GMPS: variants seen among roughly 807,000 people sequenced by gnomAD.
The protein encoded by GMPS is GMP synthase [glutamine-hydrolyzing].
GMPS carries 15 observed loss-of-function variants against 77.9 expected under a neutral mutation model. The ratio of observed to expected loss-of-function variants is 0.19; its 90% CI spans 0.13 to 0.30. The LOEUF (loss-of-function observed/expected upper bound fraction) is 0.30, where lower values mean the gene tolerates loss of function less well. Ranked by LOEUF, GMPS falls within the 10% of genes least tolerant of loss-of-function variation. GMPS has a pLI of 1.00. For synonymous variants in GMPS, 224 were observed against 275.9 expected (o/e 0.81, Z 1.86); for missense variants, 590 against 838.8 (o/e 0.70, Z 3.66).
intron 3 of GMPS, among the ~76,000 whole-genome samples, chr3:155,901,266 A>G (rs1001841726): frequency 6.6e-6 from 1 of 152,022 alleles, no homozygotes; most frequent in Non-Finnish European, 1.5e-5. Flanking sequence ...ATTGACCTAT[A>G]TATAAGTGAA....
intron 7 of GMPS, among the ~76,000 whole-genome samples, chr3:155,913,810 C>T (rs768056911): frequency 1.2e-4 from 18 of 151,838 alleles, no homozygotes; most frequent in Non-Finnish European, 2.4e-4. Context: ...TGTGAGCCAC[C>T]GTGCCGGCCC....
At chr3:155,919,409 A>G (rs1553787408) in intron 10 of GMPS, 71 bp downstream of exon 10, 2 of 710,408 alleles carry the variant, frequency 2.8e-6, no homozygotes, top group South Asian at 3.3e-5. Flanking sequence ...CAATTCAGAC[A>G]ATTCTGAAAT....
rs1378842002 is a variant in GMPS at position 155,939,063 on chromosome 3, TTTTA to T, written c.*1374_*1377del. On this transcript the variant is annotated 3_prime_UTR_variant, in exon 16 of 16. Transcript: ENST00000496455. ...AAATGATGCGTGGCAGAAGTCATCT[TTTTA>T]TTCTGGCTGGTCCAGGGAACAAGAA... The T allele has an allele frequency of 4.6e-6, 1 of 218,470 alleles. No homozygotes were observed. The highest frequency in any genetic ancestry group is 2.2e-5 in the African/African-American group (1 of 44,534). 13.5% of individuals were successfully genotyped at this position (218,470 alleles called of 1,614,324 possible).
At chr3:155,886,956 A>C (rs1754353884) in intron 1 of GMPS, among the ~76,000 whole-genome samples, 1 of 152,218 alleles carries the variant, frequency 6.6e-6, no homozygotes, top group African/African-American at 2.4e-5. Flanking sequence ...AATATGAATT[A>C]ACATAATATT....
intron 1 of GMPS, among the ~76,000 whole-genome samples, chr3:155,885,143 G>C (rs966584558): frequency 6.6e-6 from 1 of 152,162 alleles, no homozygotes; most frequent in African/African-American, 2.4e-5. Flanking sequence ...ATCTCATTAG[G>C]GAAAAGAGTT....
At chr3:155,895,676 A>G (rs1484866405) in intron 2 of GMPS, 1 of 152,172 alleles carries the variant, frequency 6.6e-6, no homozygotes, top group East Asian at 1.9e-4. Flanking sequence ...ATTACGGCTT[A>G]TTGGGCCTTG....
At chr3:155,884,671 A>C (rs868522059) in intron 1 of GMPS, among the ~76,000 whole-genome samples, 3 of 152,230 alleles carry the variant, frequency 2.0e-5, no homozygotes, top group Middle Eastern at 6.8e-3. Context: ...ATAATAGAGA[A>C]TTGTTCTATT....
At chr3:155,935,755 T>TG (rs1755751028) in intron 14 of GMPS, among the ~76,000 whole-genome samples, 1 of 152,196 alleles carries the variant, frequency 6.6e-6, no homozygotes, top group African/African-American at 2.4e-5. Context: ...ACTATAGTGT[T>TG]GAAGTGCTGT....
rs1755919444 is a variant in GMPS, at chr3:155,942,604, G to C, written c.*4912G>C. ...TGCACCTATATTATGTTGTGTGTCA[G>C]ACACTCCCAGGACCTGTTTGGTAAT... On this transcript the variant is annotated 3_prime_UTR_variant, in exon 16 of 16. Coordinates refer to ENST00000496455, the MANE Select transcript of GMPS (RefSeq NM_003875.3). 8.7e-6 allele frequency: 2 copies of C among 228,928 alleles called. No individual in the cohort carries two copies. The highest frequency in any genetic ancestry group is 1.7e-5 in the Non-Finnish European group (2 of 115,422). 14.2% of individuals were successfully genotyped at this position (228,928 alleles called of 1,614,324 possible).
intron 1 of GMPS, among the ~76,000 whole-genome samples, chr3:155,883,132 C>T (rs1754249229): frequency 6.6e-6 from 1 of 152,068 alleles, no homozygotes; most frequent in Non-Finnish European, 1.5e-5. Flanking sequence ...AGTGCAGTGG[C>T]ACTATCTCAG....
At chr3:155,901,613 T>G (rs971186858) in intron 3 of GMPS, among the ~76,000 whole-genome samples, 2 of 152,130 alleles carry the variant, frequency 1.3e-5, no homozygotes, top group Non-Finnish European at 2.9e-5. Context: ...ATATAAAAAA[T>G]CTTCTGCTCT....
At chr3:155,870,477 G>A (rs1020171694), upstream of GMPS, 4 of 200,770 alleles carry the variant, frequency 2.0e-5, no homozygotes, top group East Asian at 8.3e-5. Flanking sequence ...AGACCCGGCC[G>A]GCTTTGCCGG....
At chr3:155,929,223 G>A (rs1755537909) in intron 12 of GMPS, among the ~76,000 whole-genome samples, 1 of 150,698 alleles carries the variant, frequency 6.6e-6, no homozygotes, top group Non-Finnish European at 1.5e-5. Context: ...TTTAATGATT[G>A]CCATTCTAAC....
chr3:155,886,259 A>G (rs1181981495), intron 1 of GMPS, among the ~76,000 whole-genome samples: 1 of 151,880 alleles, frequency 6.6e-6, no homozygotes, highest in East Asian at 1.9e-4. Context: ...GAGAAATGGC[A>G]AACTTGGTGA....
chr3:155,913,509 A>G (rs1057219003), intron 7 of GMPS, among the ~76,000 whole-genome samples: 1 of 144,134 alleles, frequency 6.9e-6, no homozygotes, highest in African/African-American at 2.5e-5. Flanking sequence ...AGAGAGGGAA[A>G]ACAATCAGCA....
Position 155,916,990 on chromosome 3 carries a change from T to TA in GMPS, c.1212+798_1212+799insA, listed in dbSNP as rs577759255. 8.3e-4 allele frequency among the ~76,000 whole-genome samples: 127 copies of TA among 152,162 alleles called. 2 individuals are homozygous for TA. In the East Asian group the frequency reaches 0.017, roughly 20 times the overall value. ...ATCTTAACTCTGATTTTTTTTTTTT[T>TA]TTGAGACAGAGTCTCACTCTATTGC... On this transcript the variant is annotated intron_variant, in intron 9 of 15. Transcript: ENST00000496455.
chr3:155,881,918 T>G (rs1297310990), intron 1 of GMPS, among the ~76,000 whole-genome samples: 1 of 151,874 alleles, frequency 6.6e-6, no homozygotes, highest in Non-Finnish European at 1.5e-5. Context: ...TACAGAACAT[T>G]AGCCAGGCAT....
At position 155,923,569 on chromosome 3, in the gene GMPS, T is replaced by C. The variant is rs1373763993; in HGVS notation, c.1434+1267T>C. ...CAATTACCTACCCAGGAAATTATAC[T>C]GAAACAGTAAAGGCAAGACTTCAAA... is the stretch of plus-strand genomic sequence containing the variant. On this transcript the variant is annotated intron_variant, in intron 11 of 15. Transcript: ENST00000496455. 2.0e-5 allele frequency among the ~76,000 whole-genome samples: 3 copies of C among 152,150 alleles called. 1 individual carries two copies. In the Middle Eastern group the frequency reaches 9.5e-3, roughly 481 times the overall value.
intron 1 of GMPS, among the ~76,000 whole-genome samples, chr3:155,886,038 C>A (rs1668198576): frequency 6.6e-6 from 1 of 152,000 alleles, no homozygotes; most frequent in African/African-American, 2.4e-5. Flanking sequence ...CCAGGCTGGT[C>A]TCAAACTCCT....
Sources: gnomAD v4.1 joint callset for allele counts (sites outside exome capture counted in the v4.1 genomes callset) on GRCh38, gnomAD v4.1.1 for gene constraint, MANE v1.5 for transcripts, NCBI Gene and HGNC (gene_info 2026-07-23, HGNC 2026-07-21) for gene names.